The following SPATA4 variants were observed in gnomAD, a reference collection of about 807,000 sequenced individuals.
SPATA4 encodes the protein spermatogenesis associated 4, also known as spermatogenesis-associated protein 4.
Under a neutral mutation model 31.8 loss-of-function variants are expected in SPATA4, and 35 were observed. The observed-to-expected ratio is 1.10, with a 90% CI of 0.84 to 1.46. The LOEUF (loss-of-function observed/expected upper bound fraction) is 1.46. SPATA4 is among the 40% of genes most tolerant of loss of function. SPATA4 has a pLI of 0.00. For missense variants in SPATA4, 394 were observed against 363.1 expected, an observed-to-expected ratio of 1.09 and a Z score of -0.69; for synonymous variants, 126 against 132.4, an observed-to-expected ratio of 0.95 and a Z score of 0.33.
intron 1 of SPATA4, 97 bp from the exon 2 acceptor site, chr4:176,193,679 G>C: frequency 7.9e-7 from 1 of 1,260,784 alleles, no homozygotes; most frequent in Middle Eastern, 2.8e-4. Context: ...CATACTAAAA[G>C]TATCTTGTAA....
chr4:176,190,822 T>C (rs1752516160), intron 4 of SPATA4, among the ~76,000 whole-genome samples: 1 of 152,106 alleles, frequency 6.6e-6, no homozygotes, highest in African/African-American at 2.4e-5. Flanking sequence ...AGGGTTTGTG[T>C]GATTAGATCA....
At chr4:176,187,465 C>T (rs1752462873) in intron 5 of SPATA4, among the ~76,000 whole-genome samples, 3 of 151,804 alleles carry the variant, frequency 2.0e-5, no homozygotes, top group Admixed American at 2.0e-4. Context: ...ATTAGCCAGG[C>T]GTGGCACCGT....
intron 2 of SPATA4, 34 bp from the exon 3 acceptor site, chr4:176,193,110 A>G (rs1299230989): frequency 7.5e-7 from 1 of 1,340,976 alleles, no homozygotes; most frequent in Non-Finnish European, 1.0e-6. Flanking sequence ...TTTTATCATA[A>G]GAACTTTTAT....
At chr4:176,193,426 TA>T in intron 2 of SPATA4, 26 bp downstream of exon 2, 1 of 1,606,004 alleles carries the variant, frequency 6.2e-7, no homozygotes, top group Non-Finnish European at 8.5e-7. Context: ...TCTTAACAGT[TA>T]AAAGTGTAAA....
At position 176,192,671 on chromosome 4, in the gene SPATA4, AG is replaced by A. The variant is rs1228689676; in HGVS notation, c.643del (p.Leu215PhefsTer9). On this transcript the variant is annotated frameshift_variant, in exon 4 of 6. Coordinates refer to ENST00000280191, the MANE Select transcript of SPATA4 (RefSeq NM_144644.4). LOFTEE classifies it high-confidence loss of function. ...TNELKAEFLI[L>X]LHMLQRKLGR... ...TAATTTTCTTTGCAACATATGTAAA[AG>A]GATGAGGAACTCCGCTTTAAGTTCA... The A allele has an allele frequency of 1.9e-5, 31 of 1,614,012 alleles. No individual in the cohort carries two copies. Among genetic ancestry groups the A allele is most frequent in the Non-Finnish European group, 2.6e-5 (31 of 1,179,994 alleles).
In SPATA4 at chr4:176,192,977, T is replaced by C; in HGVS notation, c.448A>G (p.Thr150Ala). The change falls in exon 3 of 6, where the codon ACT becomes GCT. Residue 150 changes from threonine to alanine, a missense_variant. Transcript: ENST00000280191. ...ACTTACTCTCGATGTGTTAATAAAG[T>C]GTAAACCTCTTCTATCAATATTTCA... ...VPEILIEEVYTLLTHREIKSI... is the reference protein window; with the variant it reads ...VPEILIEEVYALLTHREIKSI... 1.2e-6 allele frequency: 2 copies of C among 1,607,792 alleles called. No individual in the cohort carries two copies. Among genetic ancestry groups the C allele is most frequent in the Non-Finnish European group, 1.7e-6 (2 of 1,177,246 alleles).
chr4:176,193,703 G>T, intron 1 of SPATA4, 121 bp from the exon 2 acceptor site: 1 of 1,063,642 alleles, frequency 9.4e-7, no homozygotes, highest in Non-Finnish European at 1.3e-6. Context: ...GAGTGTTGTT[G>T]GATCGTTGCT....
At chr4:176,193,354 C>T in intron 2 of SPATA4, 99 bp downstream of exon 2, 1 of 1,421,254 alleles carries the variant, frequency 7.0e-7, no homozygotes, top group South Asian at 1.4e-5. Context: ...CTCAGTATCA[C>T]ACAGTCACAC....
At chr4:176,191,243 A>T (rs1297143110) in intron 4 of SPATA4, among the ~76,000 whole-genome samples, 1 of 152,056 alleles carries the variant, frequency 6.6e-6, no homozygotes, top group East Asian at 1.9e-4. Context: ...TTACAGGCAC[A>T]CGCCACCATG....
chr4:176,193,060 T>G lies in SPATA4; in HGVS notation c.365A>C (p.Lys122Thr). ...AQLEKFLARK[K>T]FKLPKELIHG... ...GATTAGTTCTTTAGGTAATTTAAATTTTTTTCTTGCCAGGAACTTTAATAG... is the reference window on the plus strand; with the variant it reads ...GATTAGTTCTTTAGGTAATTTAAATGTTTTTCTTGCCAGGAACTTTAATAG... The change falls in exon 3 of 6, where the codon AAA becomes ACA. Residue 122 changes from lysine (K) to threonine (T), a missense_variant. Transcript: ENST00000280191. 1 of 1,589,312 alleles carries G rather than the reference T, an allele frequency of 6.3e-7. No individual in the cohort carries two copies.
At chr4:176,193,338 T>G (rs1384857496) in intron 2 of SPATA4, 115 bp downstream of exon 2, 3 of 1,307,782 alleles carry the variant, frequency 2.3e-6, no homozygotes, top group Non-Finnish European at 2.1e-6. Context: ...AGGAACAAGC[T>G]GCCAACTCAG....
chr4:176,189,804 A>G (rs918436836), intron 4 of SPATA4, among the ~76,000 whole-genome samples: 1 of 152,202 alleles, frequency 6.6e-6, no homozygotes, highest in Non-Finnish European at 1.5e-5. Flanking sequence ...CAGATGAAGT[A>G]ACAGTGTAGC....
At chr4:176,188,720 T>C (rs926426637) in intron 4 of SPATA4, among the ~76,000 whole-genome samples, 1 of 152,246 alleles carries the variant, frequency 6.6e-6, no homozygotes, top group Non-Finnish European at 1.5e-5. Context: ...GTATCTTTCA[T>C]TTTGCACATA....
chr4:176,184,899 C>T lies in SPATA4; in HGVS notation c.806-7G>A. 2 of 1,536,638 alleles carry T rather than the reference C, an allele frequency of 1.3e-6. No individual in the cohort carries two copies. The highest frequency in any genetic ancestry group is 1.8e-6 in the Non-Finnish European group (2 of 1,129,574). The stretch of plus-strand genomic sequence containing the variant: ...CCACCACTACCTATATTTGCTGGGA[C>T]ATTTAAATAAGCAAAATTAAAATCA... On this transcript the variant is annotated splice_region_variant and splice_polypyrimidine_tract_variant and intron_variant, in intron 5 of 5. Coordinates refer to ENST00000280191, the MANE Select transcript of SPATA4 (RefSeq NM_144644.4).
intron 4 of SPATA4, among the ~76,000 whole-genome samples, chr4:176,190,620 C>T (rs935298922): frequency 2.0e-5 from 3 of 152,178 alleles, no homozygotes; most frequent in South Asian, 4.1e-4. Context: ...AGGACTCAGG[C>T]CCCTGTTTAT....
At chr4:176,195,275 A>T in intron 1 of SPATA4, 70 bp downstream of exon 1, 4 of 1,510,602 alleles carry the variant, frequency 2.6e-6, no homozygotes, top group Non-Finnish European at 3.7e-6. Context: ...AGGCAATCTG[A>T]GGCCTGGCAG....
At chr4:176,186,923 C>T (rs1008077595) in intron 5 of SPATA4, among the ~76,000 whole-genome samples, 2 of 152,024 alleles carry the variant, frequency 1.3e-5, no homozygotes, top group African/African-American at 4.8e-5. Context: ...TCCCTCAACA[C>T]GTCAGGAAAC....
chr4:176,193,417 C>A (rs755749425), intron 2 of SPATA4, 36 bp downstream of exon 2: 11 of 1,603,050 alleles, frequency 6.9e-6, no homozygotes, highest in Non-Finnish European at 8.5e-7. Flanking sequence ...AAACAAACAT[C>A]TTAACAGTTA....
chr4:176,189,979 G>A (rs1752502451), intron 4 of SPATA4, among the ~76,000 whole-genome samples: 2 of 152,102 alleles, frequency 1.3e-5, no homozygotes, highest in Non-Finnish European at 2.9e-5. Context: ...CACGTGAGAG[G>A]GTCCTGATTG....
Sources: gnomAD v4.1 joint callset for allele counts (sites outside exome capture counted in the v4.1 genomes callset) on GRCh38, gnomAD v4.1.1 for gene constraint, MANE v1.5 for transcripts, NCBI Gene and HGNC (gene_info 2026-07-23, HGNC 2026-07-21) for gene names.